Variants in NAAA observed in about 807,000 individuals in gnomAD.
NAAA encodes N-acylethanolamine acid amidase.
Under a neutral mutation model 44.8 loss-of-function variants are expected in NAAA, and 39 were observed. The ratio of observed to expected loss-of-function variants is 0.87; its 90% CI spans 0.67 to 1.14. The LOEUF (loss-of-function observed/expected upper bound fraction) is 1.14. Ranked by LOEUF, NAAA falls within the 50% of genes most tolerant of loss-of-function variation. The pLI is 0.00. For missense variants in NAAA, 460 were observed against 467.8 expected (o/e 0.98, Z 0.15); for synonymous variants, 178 against 191.3 (o/e 0.93, Z 0.58).
At chr4:75,915,073 T>C in intron 9 of NAAA, 88 bp from the exon 10 acceptor site, 1 of 988,526 alleles carries the variant, frequency 1.0e-6, no homozygotes, top group Admixed American at 1.8e-5. Flanking sequence ...TCCCTAACAC[T>C]TGAGATCTGG....
chr4:75,940,994 T>C lies in NAAA; in HGVS notation c.-45A>G. 1 of 1,431,690 alleles carries C rather than the reference T, an allele frequency of 7.0e-7. No individual in the cohort carries two copies. The highest frequency in any genetic ancestry group is 9.1e-7 in the Non-Finnish European group (1 of 1,102,408). The allele number at this position is 1,431,690 out of a possible 1,614,324, so 88.7% of individuals were successfully genotyped here. On this transcript the variant is annotated 5_prime_UTR_variant, in exon 1 of 11. Coordinates refer to ENST00000286733, the MANE Select transcript of NAAA (RefSeq NM_014435.4). ...GCAACTTGGAGACCTGCAGCCGCTG[T>C]CGGAGCCCGGGTAAGCCGTGGAGGA...
downstream of NAAA, chr4:75,911,245 C>T: frequency 2.0e-6 from 1 of 489,734 alleles, no homozygotes; most frequent in Non-Finnish European, 4.0e-6. Context: ...TTTTGTGGAT[C>T]TTCAGTTGCT....
intron 2 of NAAA, among the ~76,000 whole-genome samples, chr4:75,937,947 T>C (rs1006211036): frequency 3.3e-5 from 5 of 152,212 alleles, no homozygotes; most frequent in African/African-American, 4.8e-5. Context: ...CCAAATGTTG[T>C]AGTGTGATGC....
intron 9 of NAAA, chr4:75,917,158 T>C (rs1455824363): frequency 1.7e-5 from 15 of 885,114 alleles, no homozygotes; most frequent in Non-Finnish European, 2.0e-5. Context: ...ATTTAAAAAA[T>C]GACTATTAAA....
Position 75,931,245 on chromosome 4 carries a change from T to C in NAAA, c.558A>G (p.Pro186=). 1 of 1,612,974 alleles carries C rather than the reference T, an allele frequency of 6.2e-7. No individual in the cohort carries two copies. The highest frequency in any genetic ancestry group is 8.5e-7 in the Non-Finnish European group (1 of 1,179,092). Residue 186 remains proline, a synonymous_variant, in exon 4 of 11, where the codon CCA becomes CCG. Coordinates refer to ENST00000286733, the MANE Select transcript of NAAA (RefSeq NM_014435.4). Reference sequence around the variant, plus strand: ...CATCACCAGAAACTGTAAACTTGTGTGGGCTCTGGCCAGTCCATAATCCTA... The same window carrying C: ...CATCACCAGAAACTGTAAACTTGTGCGGGCTCTGGCCAGTCCATAATCCTA... ...GYVGLWTGQS[P]HKFTVSGDER...
chr4:75,922,540 T>C (rs1381863232), intron 5 of NAAA, among the ~76,000 whole-genome samples: 5 of 152,236 alleles, frequency 3.3e-5, no homozygotes, highest in African/African-American at 1.2e-4. Flanking sequence ...GTTTCCCCAC[T>C]CCATCTATTA....
At chr4:75,922,979 A>G (rs545143025) in intron 5 of NAAA, among the ~76,000 whole-genome samples, 1 of 152,236 alleles carries the variant, frequency 6.6e-6, no homozygotes, top group East Asian at 1.9e-4. Flanking sequence ...TATCTCAGGA[A>G]ATGGAGGAAA....
At chr4:75,923,565 A>C (rs1413885665) in intron 5 of NAAA, among the ~76,000 whole-genome samples, 1 of 149,888 alleles carries the variant, frequency 6.7e-6, no homozygotes, top group Non-Finnish European at 1.5e-5. Flanking sequence ...TTTGAGACAG[A>C]GTCTTGCTGT....
chr4:75,928,026 A>C (rs1726893048), intron 4 of NAAA, among the ~76,000 whole-genome samples: 1 of 152,214 alleles, frequency 6.6e-6, no homozygotes, highest in East Asian at 1.9e-4. Context: ...CCACTCTAGC[A>C]ATTTTGAAAT....
downstream of NAAA, among the ~76,000 whole-genome samples, chr4:75,912,554 G>GAAAA (rs34332139): frequency 8.8e-6 from 1 of 113,130 alleles, no homozygotes; most frequent in Non-Finnish European, 1.8e-5. Context: ...ACTCTGTCTG[G>GAAAA]AAAAAAAAAA....
chr4:75,934,107 T>C (rs1727492259), intron 3 of NAAA, among the ~76,000 whole-genome samples: 1 of 149,884 alleles, frequency 6.7e-6, no homozygotes, highest in Non-Finnish European at 1.5e-5. Flanking sequence ...ATTTACAGCC[T>C]AATTAAGGCT....
At chr4:75,915,223 C>T (rs375786901) in intron 9 of NAAA, among the ~76,000 whole-genome samples, 6 of 152,116 alleles carry the variant, frequency 3.9e-5, no homozygotes, top group African/African-American at 1.4e-4. Flanking sequence ...TGTGGTGGTG[C>T]CTGAAATCCC....
At chr4:75,939,877 G>C in intron 2 of NAAA, 124 bp downstream of exon 2, 1 of 1,100,988 alleles carries the variant, frequency 9.1e-7, no homozygotes, top group South Asian at 1.5e-5. Context: ...GGAAGCGCTG[G>C]AGGTTTCTAG....
At position 75,936,196 on chromosome 4, in the gene NAAA, G is replaced by C. The variant is rs899743544; in HGVS notation, c.411C>G (p.His137Gln). ...AATCCAAATTCCGACCATGGTAAATGTGGCCTCTGGAGTCTTGAGCCACAA... is the reference window on the plus strand; with the variant it reads ...AATCCAAATTCCGACCATGGTAAATCTGGCCTCTGGAGTCTTGAGCCACAA... ...TSIVAQDSRG[H>Q]IYHGRNLDYP... Residue 137 changes from histidine (H) to glutamine (Q), a missense_variant, in exon 3 of 11, where the codon CAC becomes CAG. His to Gln is a conservative substitution (Grantham distance 24). Coordinates refer to ENST00000286733, the MANE Select transcript of NAAA (RefSeq NM_014435.4). 6.2e-7 allele frequency: 1 copy of C among 1,614,056 alleles called. No individual in the cohort carries two copies. Among genetic ancestry groups the C allele is most frequent in the Non-Finnish European group, 8.5e-7 (1 of 1,179,950 alleles).
At position 75,936,064 on chromosome 4, in the gene NAAA, T is replaced by C. The variant is rs1420713506; in HGVS notation, c.498+45A>G. Reference sequence around the variant, plus strand: ...CATCCAAATGACTGCTAACTTGAGTTTGCAAATCTTTCTGATTTTTTATCT... The same window carrying C: ...CATCCAAATGACTGCTAACTTGAGTCTGCAAATCTTTCTGATTTTTTATCT... On this transcript the variant is annotated intron_variant, in intron 3 of 10. Transcript: ENST00000286733. The C allele has an allele frequency of 3.1e-6, 5 of 1,611,236 alleles. No homozygotes were observed. In the South Asian group the frequency reaches 4.4e-5, roughly 14 times the overall value.
chr4:75,925,736 GCGC>G lies in NAAA; in HGVS notation c.662_664del (p.Arg221_Ala222delinsPro). 2 of 1,614,124 alleles carry G rather than the reference GCGC, an allele frequency of 1.2e-6. No homozygotes were observed. The highest frequency in any genetic ancestry group is 1.7e-6 in the Non-Finnish European group (2 of 1,179,974). ...GGGCTCCACATTAAATATACTCACA[GCGC>G]GGATCAGCCAGCTGACGGGAATGTG... On this transcript the variant is annotated inframe_deletion and splice_region_variant, in exon 5 of 11. Coordinates refer to ENST00000286733, the MANE Select transcript of NAAA (RefSeq NM_014435.4).
intron 2 of NAAA, among the ~76,000 whole-genome samples, chr4:75,936,768 C>T (rs534735602): frequency 9.9e-5 from 15 of 152,254 alleles, no homozygotes; most frequent in African/African-American, 3.6e-4. Context: ...CTCTCCAGCT[C>T]CTTGCACAGA....
rs1274333028 is a variant in NAAA at position 75,930,715 on chromosome 4, T to G, written c.589+499A>C. The stretch of plus-strand genomic sequence containing the variant: ...TACAATCCCCCTACAGCTTCCATTA[T>G]GCTTAAAAACCAAACTCTTCATTGT... On this transcript the variant is annotated intron_variant, in intron 4 of 10. Transcript: ENST00000286733. Among the ~76,000 whole-genome samples the G allele has an allele frequency of 2.6e-5, 4 of 152,214 alleles. No homozygotes were observed. The East Asian group carries it at 7.7e-4, about 29-fold the overall frequency.
rs35739236 is a variant in NAAA, at chr4:75,916,778, CTTTTTTTTTT to C, written c.999-1803_999-1794del. On this transcript the variant is annotated intron_variant, in intron 9 of 10. Coordinates refer to ENST00000286733, the MANE Select transcript of NAAA (RefSeq NM_014435.4). ...TTTTTAAAAGATATATTCATCACTTCTTTTTTTTTTTTTTTTTTTTTTTTTTTAAGACGGA... is the reference window on the plus strand; with the variant it reads ...TTTTTAAAAGATATATTCATCACTTCTTTTTTTTTTTTTTTTTAAGACGGA... Among the ~76,000 whole-genome samples the C allele has an allele frequency of 1.4e-4, 11 of 76,934 alleles. 1 individual carries two copies. Among genetic ancestry groups the C allele is most frequent in the Non-Finnish European group, 2.1e-4 (9 of 42,052 alleles). The allele number at this position is 76,934 out of a possible 152,430, so 50.5% of individuals were successfully genotyped here. A position where few individuals can be genotyped will look rare whatever the true frequency, so the allele number is the denominator to read the frequency against.
Sources: allele counts gnomAD v4.1 joint callset (sites outside exome capture counted in the v4.1 genomes callset), GRCh38; gene constraint gnomAD v4.1.1; transcripts MANE v1.5; gene names NCBI Gene and HGNC (gene_info 2026-07-23, HGNC 2026-07-21).